Variants in TSHZ1 observed in about 807,000 individuals in gnomAD.
TSHZ1 encodes the protein teashirt zinc finger homeobox 1, also known as teashirt homolog 1.
A neutral mutation model predicts 67.1 loss-of-function variants in TSHZ1; 12 were observed. The ratio of observed to expected loss-of-function variants is 0.18; its 90% CI spans 0.11 to 0.29. The LOEUF (loss-of-function observed/expected upper bound fraction) is 0.29, where lower values mean the gene tolerates loss of function less well. Among genes scored for constraint, TSHZ1 ranks in the 10% least tolerant of loss-of-function variants. TSHZ1 has a pLI of 1.00. For synonymous variants in TSHZ1, 632 were observed against 622.4 expected (o/e 1.02, Z -0.23); for missense variants, 1,305 against 1,413.9 (o/e 0.92, Z 1.23).
chr18:75,230,608 A>G (rs945859236), intron 1 of TSHZ1, among the ~76,000 whole-genome samples: 6 of 152,194 alleles, frequency 3.9e-5, no homozygotes, highest in Non-Finnish European at 2.9e-5. Flanking sequence ...TAGGCAATCA[A>G]CCCAGCAGCT....
intron 1 of TSHZ1, among the ~76,000 whole-genome samples, chr18:75,251,274 C>T (rs2023300106): frequency 1.3e-5 from 2 of 151,912 alleles, no homozygotes; most frequent in Admixed American, 6.6e-5. Flanking sequence ...CCAAAAAAAG[C>T]ATTATTCAAG....
intron 1 of TSHZ1, among the ~76,000 whole-genome samples, chr18:75,240,454 T>C (rs1028949140): frequency 1.7e-4 from 26 of 152,108 alleles, no homozygotes; most frequent in African/African-American, 5.8e-4. Flanking sequence ...GCTAGGGGCC[T>C]GTGAGTACCC....
At chr18:75,265,381 G>A (rs1568364042) in intron 1 of TSHZ1, among the ~76,000 whole-genome samples, 1 of 152,132 alleles carries the variant, frequency 6.6e-6, no homozygotes, top group South Asian at 2.1e-4. Flanking sequence ...CATGAAATGC[G>A]ATGCCTGCCT....
chr18:75,277,030 G>T (rs2023621352), intron 1 of TSHZ1, among the ~76,000 whole-genome samples: 1 of 152,194 alleles, frequency 6.6e-6, no homozygotes, highest in Non-Finnish European at 1.5e-5. Context: ...GCCTGGTGTG[G>T]GTTTCCCCAC....
intron 1 of TSHZ1, among the ~76,000 whole-genome samples, chr18:75,274,910 T>C (rs537017048): frequency 6.6e-6 from 1 of 152,374 alleles, no homozygotes; most frequent in East Asian, 1.9e-4. Context: ...TCAGGTGTCA[T>C]GTTACCCTCT....
chr18:75,222,371 T>C (rs897848896), intron 1 of TSHZ1, among the ~76,000 whole-genome samples: 1 of 152,160 alleles, frequency 6.6e-6, no homozygotes, highest in African/African-American at 2.4e-5. Flanking sequence ...TAACTTGTCT[T>C]TTCTCCCTAC....
At chr18:75,244,902 C>T (rs977741761) in intron 1 of TSHZ1, among the ~76,000 whole-genome samples, 1 of 152,122 alleles carries the variant, frequency 6.6e-6, no homozygotes, top group Non-Finnish European at 1.5e-5. Flanking sequence ...GATTTATAAT[C>T]CAGCCCTAAA....
intron 1 of TSHZ1, among the ~76,000 whole-genome samples, chr18:75,280,541 G>C (rs528487914): frequency 6.6e-6 from 1 of 152,334 alleles, no homozygotes; most frequent in African/African-American, 2.4e-5. Context: ...GATCCCGATA[G>C]TGGCAAAGGG....
chr18:75,262,386 T>C (rs1555728288), intron 1 of TSHZ1, among the ~76,000 whole-genome samples: 1 of 152,192 alleles, frequency 6.6e-6, no homozygotes, highest in Non-Finnish European at 1.5e-5. Context: ...CTATATTTTT[T>C]CTTTTATTTA....
At chr18:75,230,591 T>C (rs1196079326) in intron 1 of TSHZ1, among the ~76,000 whole-genome samples, 1 of 152,220 alleles carries the variant, frequency 6.6e-6, no homozygotes, top group Non-Finnish European at 1.5e-5. Context: ...CATCAATTTT[T>C]AGTTGCTAGG....
At chr18:75,251,791 A>C (rs962377013) in intron 1 of TSHZ1, among the ~76,000 whole-genome samples, 3 of 152,108 alleles carry the variant, frequency 2.0e-5, no homozygotes, top group Non-Finnish European at 2.9e-5. Context: ...GTTATTTGCT[A>C]ATTTTTCTGT....
chr18:75,217,924 A>G (rs2022793552), intron 1 of TSHZ1, among the ~76,000 whole-genome samples: 1 of 152,232 alleles, frequency 6.6e-6, no homozygotes, highest in Non-Finnish European at 1.5e-5. Context: ...CTGAAAACTT[A>G]AAGAGGTGTG....
At chr18:75,254,238 C>T (rs891987806) in intron 1 of TSHZ1, among the ~76,000 whole-genome samples, 1 of 152,170 alleles carries the variant, frequency 6.6e-6, no homozygotes, top group Non-Finnish European at 1.5e-5. Flanking sequence ...TCTCTTAGAG[C>T]CACCCATTTC....
At chr18:75,271,872 G>A (rs909505057) in intron 1 of TSHZ1, among the ~76,000 whole-genome samples, 14 of 152,128 alleles carry the variant, frequency 9.2e-5, no homozygotes, top group South Asian at 2.1e-4. Flanking sequence ...GCTGATGTGC[G>A]AAGTTAATGA....
At chr18:75,258,179 C>T (rs1406973641) in intron 1 of TSHZ1, among the ~76,000 whole-genome samples, 12 of 152,214 alleles carry the variant, frequency 7.9e-5, no homozygotes, top group African/African-American at 2.4e-4. Context: ...CCTCTGTGCT[C>T]CTCCACAGCC....
Position 75,285,870 on chromosome 18 carries a change from G to GGCCCCCCCCCCCCCCCCCCCCC in TSHZ1, c.463_464insGCCCCCCCCCCCCCCCCCCCCC (p.Ala155GlyfsTer72). On this transcript the variant is annotated frameshift_variant, in exon 2 of 2. Transcript: ENST00000580243. LOFTEE classifies it high-confidence loss of function. Reference sequence around the variant, plus strand: ...CGATGCCAGCCAGAAGGAGAGCTCCGCCCCCACCCCCACACCCCCCACCTG... The same window carrying GGCCCCCCCCCCCCCCCCCCCCC: ...CGATGCCAGCCAGAAGGAGAGCTCCGGCCCCCCCCCCCCCCCCCCCCCCCCCCACCCCCACACCCCCCACCTG... 1 of 1,581,560 alleles carries GGCCCCCCCCCCCCCCCCCCCCC rather than the reference G, an allele frequency of 6.3e-7. No individual in the cohort carries two copies.
In TSHZ1 at chr18:75,281,474, C is replaced by T. The variant is rs1428122202; in HGVS notation, c.41-3974C>T. Among the ~76,000 whole-genome samples, 1 of 152,186 alleles carries T rather than the reference C, an allele frequency of 6.6e-6. No individual in the cohort carries two copies. The highest frequency in any genetic ancestry group is 6.5e-5 in the Admixed American group (1 of 15,288). ...TTAGATCTGTGGCAGAACAGTGGGGCTCCTTCCACGGGCCCTACATGGGGC... is the reference window on the plus strand; with the variant it reads ...TTAGATCTGTGGCAGAACAGTGGGGTTCCTTCCACGGGCCCTACATGGGGC... On this transcript the variant is annotated intron_variant, in intron 1 of 1. Transcript: ENST00000580243. The surrounding 1 kb of genome is among the most constrained non-coding windows in gnomAD (Gnocchi z 5.3).
chr18:75,243,888 A>G (rs1472925068), intron 1 of TSHZ1, among the ~76,000 whole-genome samples: 1 of 152,200 alleles, frequency 6.6e-6, no homozygotes, highest in African/African-American at 2.4e-5. Flanking sequence ...TTATAACACA[A>G]CATGTACGTC....
In TSHZ1 at chr18:75,218,934, T is replaced by TA. The variant is rs1292414688; in HGVS notation, c.40+7019dup. Among the ~76,000 whole-genome samples the TA allele has an allele frequency of 5.3e-5, 8 of 150,972 alleles. No homozygotes were observed. The South Asian group carries it at 8.4e-4, about 16-fold the overall frequency. ...ATGGTGAACATGTATATTTTTTTTT[T>TA]ACTCAAATTTTTTTGAGTCAAGAAT... On this transcript the variant is annotated intron_variant, in intron 1 of 1. Transcript: ENST00000580243.
Sources: allele counts gnomAD v4.1 joint callset (sites outside exome capture counted in the v4.1 genomes callset), GRCh38; gene constraint gnomAD v4.1.1; non-coding constraint Gnocchi (gnomAD v3.1); transcripts MANE v1.5; gene names NCBI Gene and HGNC (gene_info 2026-07-23, HGNC 2026-07-21).